Variants in CHL1 observed in about 807,000 individuals in gnomAD.
CHL1 encodes neural cell adhesion molecule L1-like protein.
Under a neutral mutation model 141.9 loss-of-function variants are expected in CHL1, and 96 were observed. The observed-to-expected ratio is 0.68, with a 90% confidence interval of 0.57 to 0.80. CHL1 has a LOEUF of 0.80. Ranked by LOEUF, CHL1 falls within the 30% of genes least tolerant of loss-of-function variation. CHL1 has a pLI of 0.00. For missense variants in CHL1, 1,820 were observed against 1,457.2 expected (o/e 1.25, Z -4.05); for synonymous variants, 613 against 502.2 (o/e 1.22, Z -2.95).
At chr3:215,605 C>G (rs985902274) in intron 1 of CHL1, among the ~76,000 whole-genome samples, 2 of 152,104 alleles carry the variant, frequency 1.3e-5, no homozygotes, top group South Asian at 2.1e-4. Flanking sequence ...TATGCGAAAG[C>G]CAATGTACAC....
chr3:390,945 T>A lies in CHL1; in HGVS notation c.2587-10T>A, dbSNP rs372172932. 6.4e-5 allele frequency: 103 copies of A among 1,612,480 alleles called. No individual in the cohort carries two copies. Among genetic ancestry groups the A allele is most frequent in the Non-Finnish European group, 8.4e-5 (99 of 1,178,938 alleles). ...ATGGATATACTAAAAGATTTTGGTT[T>A]TCATTGCAGATAAATTGGTGGAAAA... On this transcript the variant is annotated splice_polypyrimidine_tract_variant and intron_variant, in intron 21 of 27. Coordinates refer to ENST00000256509, the MANE Select transcript of CHL1 (RefSeq NM_006614.4).
At chr3:317,253 T>C (rs1022539535) in intron 2 of CHL1, among the ~76,000 whole-genome samples, 2 of 151,940 alleles carry the variant, frequency 1.3e-5, no homozygotes, top group Non-Finnish European at 2.9e-5. Flanking sequence ...TTTAAAACGA[T>C]TAAAATTCAA....
chr3:224,739 G>T (rs142403702), intron 1 of CHL1, among the ~76,000 whole-genome samples: 111 of 152,312 alleles, frequency 7.3e-4, no homozygotes, highest in South Asian at 1.7e-3. Flanking sequence ...AGCAATGCAA[G>T]AATGGCCTAA....
chr3:209,713 C>T (rs191145361), intron 1 of CHL1, among the ~76,000 whole-genome samples: 17 of 152,296 alleles, frequency 1.1e-4, no homozygotes, highest in Admixed American at 9.2e-4. Flanking sequence ...AGCTCCCCTC[C>T]GCTGCCACCC....
chr3:252,543 T>C (rs536483219), intron 2 of CHL1, among the ~76,000 whole-genome samples: 1 of 151,686 alleles, frequency 6.6e-6, no homozygotes, highest in South Asian at 2.1e-4. Context: ...TGTCCTTACG[T>C]TATAGGTTAG....
intron 2 of CHL1, among the ~76,000 whole-genome samples, chr3:277,736 A>G (rs989837782): frequency 1.3e-5 from 2 of 152,200 alleles, no homozygotes; most frequent in African/African-American, 2.4e-5. Context: ...TGTCTTTTCC[A>G]TATTTCCCCC....
chr3:380,855 T>C (rs1706941530), intron 16 of CHL1, among the ~76,000 whole-genome samples: 1 of 152,260 alleles, frequency 6.6e-6, no homozygotes, highest in Non-Finnish European at 1.5e-5. Flanking sequence ...TCTTTTTCAC[T>C]GATTTATTTA....
intron 4 of CHL1, among the ~76,000 whole-genome samples, chr3:326,540 T>G (rs6768464): frequency 0.14 from 20,944 of 151,798 alleles, 1,708 homozygotes; most frequent in African/African-American, 0.21. Context: ...TCATCTCAGG[T>G]GGCAGAGTAC....
chr3:357,792 T>C lies in CHL1; in HGVS notation c.1166-2492T>C, dbSNP rs139944636. On this transcript the variant is annotated intron_variant, in intron 11 of 27. Coordinates refer to ENST00000256509, the MANE Select transcript of CHL1 (RefSeq NM_006614.4). ...TTACTTAAATAAAGTATCATTTATA[T>C]AGTCTAATTTCTTACTTTTGTAATG... is the stretch of plus-strand genomic sequence containing the variant. 3.1e-3 allele frequency among the ~76,000 whole-genome samples: 470 copies of C among 152,366 alleles called. 2 individuals are homozygous for C. The highest frequency in any genetic ancestry group is 5.4e-3 in the Non-Finnish European group (366 of 68,034).
intron 3 of CHL1, 71 bp downstream of exon 3, chr3:319,938 T>TAAA: frequency 4.8e-6 from 4 of 835,544 alleles, no homozygotes; most frequent in Non-Finnish European, 7.8e-6. Context: ...GTAGAATACT[T>TAAA]ATGGATTGAG....
At chr3:268,115 C>T (rs1695313094) in intron 2 of CHL1, among the ~76,000 whole-genome samples, 1 of 152,132 alleles carries the variant, frequency 6.6e-6, no homozygotes. Flanking sequence ...AGATACAATC[C>T]TTTACATAAA....
rs761368366 is a variant in CHL1, at chr3:391,813, A to T, written c.2914+16A>T. On this transcript the variant is annotated intron_variant, in intron 23 of 27. Transcript: ENST00000256509. Reference sequence around the variant, plus strand: ...TATCAGATAAGTAAGTAGAAATTTGAATTGGAGTTAACTTGTTAATGTTTC... The same window carrying T: ...TATCAGATAAGTAAGTAGAAATTTGTATTGGAGTTAACTTGTTAATGTTTC... 1.9e-6 allele frequency: 3 copies of T among 1,567,208 alleles called. No individual in the cohort carries two copies. Among genetic ancestry groups the T allele is most frequent in the Non-Finnish European group, 2.6e-6 (3 of 1,153,820 alleles).
chr3:228,837 G>T (rs1346375080), intron 1 of CHL1, among the ~76,000 whole-genome samples: 2 of 152,052 alleles, frequency 1.3e-5, no homozygotes, highest in African/African-American at 2.4e-5. Flanking sequence ...GGTTCCTAAT[G>T]GTTGATTTAA....
chr3:337,180 C>CTTTTTTTTTTT lies in CHL1; in HGVS notation c.386-3610_386-3609insTTTTTTTTTTT, dbSNP rs1490013935. Among the ~76,000 whole-genome samples the CTTTTTTTTTTT allele has an allele frequency of 2.6e-5, 3 of 113,288 alleles. 1 individual carries two copies. The highest frequency in any genetic ancestry group is 1.7e-5 in the Non-Finnish European group (1 of 57,298). 74.3% of individuals were successfully genotyped at this position (113,288 alleles called of 152,430 possible). On this transcript the variant is annotated intron_variant, in intron 5 of 27. Transcript: ENST00000256509. ...GGTTATAATGGGATTTCCAAACATT[C>CTTTTTTTTTTT]TTTTGTTTTTGTTTTTTTTTTTTTT...
At chr3:375,797 A>G (rs1207610427) in intron 15 of CHL1, among the ~76,000 whole-genome samples, 5 of 152,174 alleles carry the variant, frequency 3.3e-5, no homozygotes, top group Non-Finnish European at 7.3e-5. Flanking sequence ...ATTAGGCTCA[A>G]TGTTTTGTTC....
intron 2 of CHL1, among the ~76,000 whole-genome samples, chr3:304,101 T>C (rs970554337): frequency 5.3e-5 from 8 of 150,696 alleles, no homozygotes; most frequent in African/African-American, 1.7e-4. Context: ...GGTAAGCTTT[T>C]TGATGTGCTG....
chr3:350,507 C>T (rs752548598), intron 10 of CHL1, among the ~76,000 whole-genome samples: 4 of 152,120 alleles, frequency 2.6e-5, no homozygotes, highest in Non-Finnish European at 4.4e-5. Context: ...ATTTAGTGAA[C>T]TAGTGCTCTA....
intron 2 of CHL1, among the ~76,000 whole-genome samples, chr3:304,175 C>T (rs1298856413): frequency 1.3e-5 from 2 of 152,164 alleles, no homozygotes; most frequent in Non-Finnish European, 2.9e-5. Context: ...CATCAATGTT[C>T]ATCAGGGATA....
intron 1 of CHL1, among the ~76,000 whole-genome samples, chr3:215,191 A>G (rs1452574552): frequency 6.6e-6 from 1 of 152,236 alleles, no homozygotes; most frequent in Non-Finnish European, 1.5e-5. Flanking sequence ...ATGAATAAAG[A>G]AAATGTGGTG....
Sources: gnomAD v4.1 joint callset for allele counts (sites outside exome capture counted in the v4.1 genomes callset) on GRCh38, gnomAD v4.1.1 for gene constraint, MANE v1.5 for transcripts, NCBI Gene and HGNC (gene_info 2026-07-23, HGNC 2026-07-21) for gene names.